The following PDZRN4 variants were observed in gnomAD, a reference collection of about 807,000 sequenced individuals.
PDZRN4 encodes PDZ domain containing ring finger 4.
Under a neutral mutation model 99.0 loss-of-function variants are expected in PDZRN4, and 70 were observed. The ratio of observed to expected loss-of-function variants is 0.71; its 90% CI spans 0.58 to 0.86. The LOEUF (loss-of-function observed/expected upper bound fraction) is 0.86. Among genes scored for constraint, PDZRN4 ranks in the 40% least tolerant of loss-of-function variants. The probability of loss-of-function intolerance (pLI) is 0.00; values close to 1 mark genes in which losing one functional copy is unlikely to be tolerated. For synonymous variants in PDZRN4, 551 were observed against 501.6 expected, an observed-to-expected ratio of 1.10 and a Z score of -1.32; for missense variants, 1,474 against 1,331.2, an observed-to-expected ratio of 1.11 and a Z score of -1.67.
At chr12:41,276,409 C>T (rs1362073909) in intron 3 of PDZRN4, among the ~76,000 whole-genome samples, 6 of 151,944 alleles carry the variant, frequency 3.9e-5, no homozygotes, top group Non-Finnish European at 8.8e-5. Context: ...TAGACCCTGG[C>T]CTCAGATAGA....
intron 3 of PDZRN4, among the ~76,000 whole-genome samples, chr12:41,458,224 C>A (rs1242958276): frequency 6.6e-6 from 1 of 152,162 alleles, no homozygotes; most frequent in Non-Finnish European, 1.5e-5. Flanking sequence ...ATGGCACAAT[C>A]TCGACTCACT....
intron 5 of PDZRN4, among the ~76,000 whole-genome samples, chr12:41,532,224 T>C (rs1483680202): frequency 6.6e-6 from 1 of 152,170 alleles, no homozygotes; most frequent in Non-Finnish European, 1.5e-5. Flanking sequence ...ATAAATCAAG[T>C]TTCTGTATAT....
At chr12:41,329,749 T>G (rs191897866) in intron 3 of PDZRN4, among the ~76,000 whole-genome samples, 2 of 152,252 alleles carry the variant, frequency 1.3e-5, no homozygotes, top group Admixed American at 6.6e-5. Context: ...TGTTGTTTCA[T>G]CTGACATTGT....
chr12:41,249,413 A>T (rs75454475), intron 3 of PDZRN4, among the ~76,000 whole-genome samples: 4,955 of 152,244 alleles, frequency 0.033, 143 homozygotes, highest in East Asian at 0.12. Flanking sequence ...GAGAAAATAA[A>T]TTAGTATATG....
At position 41,573,722 on chromosome 12, in the gene PDZRN4, CAAG is replaced by C. The variant is rs1274509844; in HGVS notation, c.2947_2949del (p.Lys983del). The C allele has an allele frequency of 3.7e-6, 6 of 1,613,384 alleles. No individual in the cohort carries two copies. Among genetic ancestry groups the C allele is most frequent in the African/African-American group, 1.3e-5 (1 of 74,738 alleles). On this transcript the variant is annotated inframe_deletion, in exon 10 of 10. Coordinates refer to ENST00000402685, the MANE Select transcript of PDZRN4 (RefSeq NM_001164595.2). Reference sequence around the variant, plus strand: ...AGAGCCCTCAGAGCGGCAGTGAGGGCAAGAAGGAGATCAATATCATTGAACTGA... The same window carrying C: ...AGAGCCCTCAGAGCGGCAGTGAGGGCAAGGAGATCAATATCATTGAACTGA...
At chr12:41,250,958 T>C (rs2120808344) in intron 3 of PDZRN4, among the ~76,000 whole-genome samples, 1 of 152,340 alleles carries the variant, frequency 6.6e-6, no homozygotes, top group Middle Eastern at 3.4e-3. Context: ...ACTTTTACTT[T>C]GACTGGACCA....
At chr12:41,438,000 A>G in intron 3 of PDZRN4, 2 of 1,614,088 alleles carry the variant, frequency 1.2e-6, no homozygotes, top group Non-Finnish European at 1.7e-6. Flanking sequence ...AAACTGCTGT[A>G]TGAAGTTTCC....
At chr12:41,480,145 G>T (rs1462235288) in intron 3 of PDZRN4, among the ~76,000 whole-genome samples, 1 of 151,980 alleles carries the variant, frequency 6.6e-6, no homozygotes, top group African/African-American at 2.4e-5. Flanking sequence ...TCTCATGCAC[G>T]ATAATCATCT....
intron 3 of PDZRN4, among the ~76,000 whole-genome samples, chr12:41,298,875 C>G (rs1161810433): frequency 6.6e-6 from 1 of 152,134 alleles, no homozygotes; most frequent in African/African-American, 2.4e-5. Flanking sequence ...CCCTTCTACA[C>G]TTTAAAGTGG....
intron 3 of PDZRN4, among the ~76,000 whole-genome samples, chr12:41,321,872 A>G (rs1171843711): frequency 6.6e-6 from 1 of 152,190 alleles, no homozygotes; most frequent in African/African-American, 2.4e-5. Flanking sequence ...ATTGGGATTT[A>G]CGGTTGGAAA....
chr12:41,497,550 C>A (rs746930011), intron 3 of PDZRN4, among the ~76,000 whole-genome samples: 7 of 152,066 alleles, frequency 4.6e-5, no homozygotes, highest in Non-Finnish European at 8.8e-5. Context: ...TCAGTGGGAT[C>A]TTCTCCAAAG....
chr12:41,271,235 A>G (rs557921700), intron 3 of PDZRN4, among the ~76,000 whole-genome samples: 261 of 98,310 alleles, frequency 2.7e-3, no homozygotes, highest in African/African-American at 6.7e-3. Flanking sequence ...AGCACAAAAT[A>G]GAGACAGGAT....
intron 3 of PDZRN4, among the ~76,000 whole-genome samples, chr12:41,280,433 C>A (rs571828891): frequency 3.0e-4 from 45 of 152,272 alleles, no homozygotes; most frequent in South Asian, 2.1e-3. Flanking sequence ...GGATCCCACC[C>A]CCATGGAGCC....
chr12:41,277,498 A>G (rs1431124), intron 3 of PDZRN4, among the ~76,000 whole-genome samples: 145,882 of 152,244 alleles, frequency 0.96, 70,202 homozygotes, highest in Middle Eastern at 1. Flanking sequence ...ACCAGTGCAG[A>G]TATGATGTCT....
chr12:41,408,875 T>G (rs1428889498), intron 3 of PDZRN4, among the ~76,000 whole-genome samples: 1 of 151,836 alleles, frequency 6.6e-6, no homozygotes, highest in East Asian at 1.9e-4. Context: ...TTCTTTCTCC[T>G]TATTACTCTT....
chr12:41,298,945 T>C (rs1300758856), intron 3 of PDZRN4, among the ~76,000 whole-genome samples: 3 of 152,130 alleles, frequency 2.0e-5, no homozygotes, highest in Non-Finnish European at 4.4e-5. Context: ...GCCCCAACAA[T>C]CTGTTGTGTG....
intron 3 of PDZRN4, among the ~76,000 whole-genome samples, chr12:41,463,776 A>G (rs1952896170): frequency 6.6e-6 from 1 of 152,164 alleles, no homozygotes; most frequent in Admixed American, 6.5e-5. Context: ...TTTGTTTTCC[A>G]TTCCTGTTGA....
intron 3 of PDZRN4, among the ~76,000 whole-genome samples, chr12:41,273,293 C>A (rs1951327708): frequency 6.6e-6 from 1 of 151,954 alleles, no homozygotes; most frequent in Non-Finnish European, 1.5e-5. Context: ...TTCATAAGTA[C>A]AGTAATGGAA....
chr12:41,428,232 T>C (rs1243612409), intron 3 of PDZRN4, among the ~76,000 whole-genome samples: 1 of 152,212 alleles, frequency 6.6e-6, no homozygotes, highest in Non-Finnish European at 1.5e-5. Flanking sequence ...GGAAAGCACA[T>C]TCCAGGCTCT....
Sources: gnomAD v4.1 joint callset for allele counts (sites outside exome capture counted in the v4.1 genomes callset) on GRCh38, gnomAD v4.1.1 for gene constraint, MANE v1.5 for transcripts, NCBI Gene and HGNC (gene_info 2026-07-23, HGNC 2026-07-21) for gene names.